The following HTRA1 variants were observed in gnomAD, a reference collection of about 807,000 sequenced individuals.
HTRA1 encodes the protein serine protease HTRA1.
Under a neutral mutation model 49.7 loss-of-function variants are expected in HTRA1, and 26 were observed. That is an observed-to-expected ratio of 0.52 (90% CI 0.38 to 0.73). The LOEUF (loss-of-function observed/expected upper bound fraction) is 0.73. HTRA1 is among the 30% of genes least tolerant of loss of function. The pLI, the probability that HTRA1 is intolerant of heterozygous loss-of-function variation, is 0.00. For missense variants in HTRA1, 561 were observed against 667.2 expected (o/e 0.84, Z 1.75); for synonymous variants, 291 against 286.9 (o/e 1.01, Z -0.14).
In HTRA1 at chr10:122,461,744, C is replaced by G; in HGVS notation, c.92C>G (p.Ala31Gly). 1 of 1,137,838 alleles carries G rather than the reference C, an allele frequency of 8.8e-7. No homozygotes were observed. Among genetic ancestry groups the G allele is most frequent in the Non-Finnish European group, 1.1e-6 (1 of 922,716 alleles). The allele number at this position is 1,137,838 out of a possible 1,614,324, so 70.5% of individuals were successfully genotyped here. ...SAQLSRAGRSAPLAAGCPDRC... is the reference protein window; with the variant it reads ...SAQLSRAGRSGPLAAGCPDRC... ...CAGCTGTCCCGGGCCGGCCGCTCGG[C>G]GCCTTTGGCCGCCGGGTGCCCAGAC... Residue 31 changes from alanine to glycine, a missense_variant, in exon 1 of 9, where the codon GCG (alanine) becomes GGG (glycine). Transcript: ENST00000368984.
intron 1 of HTRA1, among the ~76,000 whole-genome samples, chr10:122,465,490 C>G (rs2097483413): frequency 6.6e-6 from 1 of 152,150 alleles, no homozygotes; most frequent in South Asian, 2.1e-4. Flanking sequence ...GACTGGTGGT[C>G]CCACACAACT....
intron 1 of HTRA1, among the ~76,000 whole-genome samples, chr10:122,468,560 T>A (rs909555853): frequency 1.3e-5 from 2 of 152,074 alleles, no homozygotes; most frequent in Non-Finnish European, 2.9e-5. Flanking sequence ...GAGGGTGATG[T>A]GAGACTTCTG....
At chr10:122,475,769 G>T (rs552790908) in intron 1 of HTRA1, among the ~76,000 whole-genome samples, 6 of 152,160 alleles carry the variant, frequency 3.9e-5, no homozygotes, top group African/African-American at 1.4e-4. Context: ...TGTCCCCGGC[G>T]CCCTGGAATG....
At chr10:122,495,508 A>G (rs2097498213) in intron 3 of HTRA1, among the ~76,000 whole-genome samples, 1 of 151,982 alleles carries the variant, frequency 6.6e-6, no homozygotes, top group Admixed American at 6.6e-5. Flanking sequence ...CGTGGCTCCT[A>G]AGCTCTTGAT....
At chr10:122,471,464 C>T (rs2097486117) in intron 1 of HTRA1, among the ~76,000 whole-genome samples, 1 of 152,242 alleles carries the variant, frequency 6.6e-6, no homozygotes, top group South Asian at 2.1e-4. Context: ...CGACCTTTCA[C>T]ACCCATCTCT....
intron 6 of HTRA1, among the ~76,000 whole-genome samples, chr10:122,509,176 G>A (rs2097504460): frequency 6.6e-6 from 1 of 152,202 alleles, no homozygotes; most frequent in Non-Finnish European, 1.5e-5. Flanking sequence ...CAAGCAGGGA[G>A]CTTGGCAGTG....
At chr10:122,479,467 G>GGAA (rs2097490056) in intron 1 of HTRA1, among the ~76,000 whole-genome samples, 1 of 151,976 alleles carries the variant, frequency 6.6e-6, no homozygotes, top group Non-Finnish European at 1.5e-5. Flanking sequence ...GCTTGCAGGA[G>GGAA]TAATTAAAGG....
chr10:122,478,978 T>C (rs1161551372), intron 1 of HTRA1, among the ~76,000 whole-genome samples: 2 of 152,242 alleles, frequency 1.3e-5, no homozygotes, highest in Non-Finnish European at 2.9e-5. Context: ...GTAGCTAGTC[T>C]TGAATCTAGG....
intron 3 of HTRA1, among the ~76,000 whole-genome samples, chr10:122,501,509 C>T (rs1221860167): frequency 6.6e-6 from 1 of 152,156 alleles, no homozygotes; most frequent in African/African-American, 2.4e-5. Context: ...CTTTGGATGA[C>T]ACTCATGGTT....
At position 122,508,708 on chromosome 10, in the gene HTRA1, T is replaced by G; in HGVS notation, c.1058T>G (p.Phe353Cys). The change falls in exon 6 of 9, where the codon TTT becomes TGT. Residue 353 changes from phenylalanine (F) to cysteine (C), a missense_variant. Phe to Cys is a radical substitution (Grantham distance 205). Transcript: ENST00000368984. ...NTLKVTAGIS[F>C]AIPSDKIKKF... ...TTGAAAGTGACAGCTGGAATCTCCT[T>G]TGCAATCCCATCTGATAAGATTAAA... 1 of 1,614,112 alleles carries G rather than the reference T, an allele frequency of 6.2e-7. No individual in the cohort carries two copies. Among genetic ancestry groups the G allele is most frequent in the Non-Finnish European group, 8.5e-7 (1 of 1,179,942 alleles).
chr10:122,472,582 A>G, intron 1 of HTRA1, among the ~76,000 whole-genome samples: 1 of 151,988 alleles, frequency 6.6e-6, no homozygotes, highest in Non-Finnish European at 1.5e-5. Context: ...TTTTAAGTAG[A>G]GACAGTTTCG....
In HTRA1 at chr10:122,484,467, G is replaced by A. The variant is rs146181283; in HGVS notation, c.473-4435G>A. On this transcript the variant is annotated intron_variant, in intron 1 of 8. Transcript: ENST00000368984. Reference sequence around the variant, plus strand: ...TGACATGACGACGTCGTTAGGAGGCGCCGAGGTGGCTGAGTGGGTCTCCAG... The same window carrying A: ...TGACATGACGACGTCGTTAGGAGGCACCGAGGTGGCTGAGTGGGTCTCCAG... Among the ~76,000 whole-genome samples, 1,013 of 152,284 alleles carry A rather than the reference G, an allele frequency of 6.7e-3. 11 individuals carry two copies. Among genetic ancestry groups the A allele is most frequent in the African/African-American group, 0.023 (949 of 41,556 alleles).
intron 1 of HTRA1, among the ~76,000 whole-genome samples, chr10:122,478,416 G>A (rs531535753): frequency 1.0e-3 from 116 of 115,068 alleles, no homozygotes; most frequent in African/African-American, 2.1e-3. Context: ...TTTTTGAGAC[G>A]GACTCTCACT....
intron 1 of HTRA1, among the ~76,000 whole-genome samples, chr10:122,483,319 G>T (rs904890231): frequency 8.5e-5 from 13 of 152,100 alleles, no homozygotes; most frequent in African/African-American, 2.9e-4. Flanking sequence ...ATTGAATCTT[G>T]GCAATTTTTA....
At chr10:122,492,431 T>C (rs992339554) in intron 3 of HTRA1, among the ~76,000 whole-genome samples, 19 of 152,182 alleles carry the variant, frequency 1.2e-4, no homozygotes, top group African/African-American at 4.6e-4. Context: ...CCTCCAGGAC[T>C]CAAGTGATTC....
chr10:122,510,027 G>A (rs1032534037), intron 6 of HTRA1, 69 bp from the exon 7 acceptor site: 24 of 1,369,188 alleles, frequency 1.8e-5, no homozygotes, highest in East Asian at 1.1e-4. Flanking sequence ...TTGGGCCCCC[G>A]GCCCCTGGTG....
chr10:122,501,961 G>GTTTTTTT (rs541582341), intron 3 of HTRA1, among the ~76,000 whole-genome samples: 1 of 73,494 alleles, frequency 1.4e-5, no homozygotes, highest in African/African-American at 5.9e-5. Flanking sequence ...TCCATTTGGA[G>GTTTTTTT]TTTTTTTTTT....
At chr10:122,496,225 G>GTTTTGTTTTTTTTTTTTTT (rs1287521208) in intron 3 of HTRA1, among the ~76,000 whole-genome samples, 11 of 80,408 alleles carry the variant, frequency 1.4e-4, no homozygotes, top group African/African-American at 5.1e-4. Context: ...GAGATTGTGG[G>GTTTTGTTTTTTTTTTTTTT]TTCTTTTTTT....
chr10:122,489,022 T>C (rs966087743), intron 2 of HTRA1, 21 bp downstream of exon 2: 1 of 1,552,376 alleles, frequency 6.4e-7, no homozygotes, highest in Non-Finnish European at 8.9e-7. Flanking sequence ...CCTTCCTTTT[T>C]CCTATAACCT....
Sources: allele counts gnomAD v4.1 joint callset (sites outside exome capture counted in the v4.1 genomes callset), GRCh38; gene constraint gnomAD v4.1.1; transcripts MANE v1.5; gene names NCBI Gene and HGNC (gene_info 2026-07-23, HGNC 2026-07-21).